Variants in SLC35D4 observed in about 807,000 individuals in gnomAD.
SLC35D4 encodes UDP-N-acetylglucosamine transporter SLC35D4.
the SLC35D4 span, among the ~76,000 whole-genome samples, chr18:23,428,415 T>C: frequency 6.6e-6 from 1 of 152,192 alleles, no homozygotes; most frequent in Admixed American, 6.6e-5. Flanking sequence ...AACATTCACG[T>C]AGAGGCTGAG....
the SLC35D4 span, among the ~76,000 whole-genome samples, chr18:23,271,752 T>C: frequency 6.6e-6 from 1 of 152,130 alleles, no homozygotes. Context: ...GGAGAGTGGG[T>C]GAAGACTGAG....
chr18:23,437,377 G>T, the SLC35D4 span, among the ~76,000 whole-genome samples: 1 of 152,106 alleles, frequency 6.6e-6, no homozygotes, highest in Admixed American at 6.6e-5. Context: ...AAAGGCTTCT[G>T]GAACTTCACG....
chr18:23,323,896 T>C, the SLC35D4 span, among the ~76,000 whole-genome samples: 319 of 152,048 alleles, frequency 2.1e-3, 4 homozygotes, highest in Non-Finnish European at 2.0e-3. Flanking sequence ...CTGGCCAACA[T>C]AGTGAATCAC....
chr18:23,281,187 C>T, the SLC35D4 span, among the ~76,000 whole-genome samples: 1 of 152,082 alleles, frequency 6.6e-6, no homozygotes, highest in South Asian at 2.1e-4. Flanking sequence ...AAATGTTCTA[C>T]AATTAGATAG....
chr18:23,361,117 A>AAAG, the SLC35D4 span, among the ~76,000 whole-genome samples: 25 of 151,274 alleles, frequency 1.7e-4, no homozygotes, highest in East Asian at 1.5e-3. Flanking sequence ...AAAAAAAAAA[A>AAAG]AAAAAAAAGA....
At chr18:23,246,605 A>T in the SLC35D4 span, among the ~76,000 whole-genome samples, 8,448 of 150,834 alleles carry the variant, frequency 0.056, 554 homozygotes, top group Admixed American at 0.17. Flanking sequence ...GTTAGCCAGG[A>T]TGGTCTCGAT....
chr18:23,352,317 G>A, the SLC35D4 span: 2 of 1,585,402 alleles, frequency 1.3e-6, no homozygotes. Context: ...TCTCTTGTTA[G>A]TGAGGCTTGT....
At chr18:23,399,670 A>G in the SLC35D4 span, 7 of 1,612,544 alleles carry the variant, frequency 4.3e-6, no homozygotes, top group Admixed American at 6.7e-5. Context: ...GAAAAAAGCA[A>G]TAACACTTTT....
the SLC35D4 span, among the ~76,000 whole-genome samples, chr18:23,245,031 C>T: frequency 6.6e-6 from 1 of 152,226 alleles, no homozygotes; most frequent in Non-Finnish European, 1.5e-5. Flanking sequence ...CTGAGACCCT[C>T]ACTGTTCTCC....
At chr18:23,363,928 T>C in the SLC35D4 span, among the ~76,000 whole-genome samples, 3 of 152,184 alleles carry the variant, frequency 2.0e-5, no homozygotes, top group African/African-American at 7.2e-5. Flanking sequence ...TGAGAAGTCA[T>C]CGTTCATAGG....
the SLC35D4 span, among the ~76,000 whole-genome samples, chr18:23,342,413 A>C: frequency 6.6e-6 from 1 of 152,092 alleles, no homozygotes; most frequent in Non-Finnish European, 1.5e-5. Context: ...ATTCCTTCTG[A>C]TTATTGAATA....
chr18:23,282,916 T>C, the SLC35D4 span, among the ~76,000 whole-genome samples: 1 of 151,410 alleles, frequency 6.6e-6, no homozygotes, highest in East Asian at 1.9e-4. Flanking sequence ...GTGGGTGCTG[T>C]AAATCAAAAA....
the SLC35D4 span, chr18:23,296,319 T>C: frequency 6.6e-6 from 1 of 152,186 alleles, no homozygotes; most frequent in Non-Finnish European, 1.5e-5. Flanking sequence ...TTGTTGTTGT[T>C]GTTTTTGAGA....
the SLC35D4 span, among the ~76,000 whole-genome samples, chr18:23,332,133 G>A: frequency 1.3e-5 from 2 of 151,416 alleles, no homozygotes; most frequent in African/African-American, 2.4e-5. Context: ...GGCCTCAAGC[G>A]ATCCTCTCAC....
At chr18:23,311,979 T>C in the SLC35D4 span, among the ~76,000 whole-genome samples, 1 of 152,238 alleles carries the variant, frequency 6.6e-6, no homozygotes, top group Non-Finnish European at 1.5e-5. Flanking sequence ...CTGATGGATG[T>C]TGGCTGTGCT....
chr18:23,308,314 C>A, the SLC35D4 span, among the ~76,000 whole-genome samples: 270 of 152,268 alleles, frequency 1.8e-3, 1 homozygote, highest in African/African-American at 6.3e-3. Flanking sequence ...GATCCGCAGG[C>A]TGATTTGGCG....
At chr18:23,317,504 T>G in the SLC35D4 span, among the ~76,000 whole-genome samples, 1 of 152,174 alleles carries the variant, frequency 6.6e-6, no homozygotes, top group Non-Finnish European at 1.5e-5. Context: ...GGGTTCCAAT[T>G]TTTTTGTGCA....
the SLC35D4 span, among the ~76,000 whole-genome samples, chr18:23,240,177 G>C: frequency 0.012 from 1,891 of 152,276 alleles, 12 homozygotes; most frequent in African/African-American, 0.024. Flanking sequence ...TGGGCCCCAG[G>C]GGGTAGGCCT....
the SLC35D4 span, chr18:23,365,818 G>C: frequency 4.8e-6 from 4 of 838,972 alleles, no homozygotes; most frequent in Non-Finnish European, 3.7e-6. Flanking sequence ...TCCTCAGAGA[G>C]AGTAAGAATG....
Sources: allele counts gnomAD v4.1 joint callset (sites outside exome capture counted in the v4.1 genomes callset), GRCh38; gene constraint gnomAD v4.1.1; transcripts MANE v1.5; gene names NCBI Gene and HGNC (gene_info 2026-07-23, HGNC 2026-07-21).